Variants in TAFA1 observed in about 807,000 individuals in gnomAD.
TAFA1 encodes TAFA chemokine like family member 1.
A neutral mutation model predicts 18.5 loss-of-function variants in TAFA1; 4 were observed. The observed-to-expected ratio is 0.22, with a 90% CI of 0.11 to 0.49. The LOEUF is 0.49. Among genes scored for constraint, TAFA1 ranks in the 20% least tolerant of loss-of-function variants. The pLI, the probability that TAFA1 is intolerant of heterozygous loss-of-function variation, is 0.98. For synonymous variants in TAFA1, 56 were observed against 55.2 expected (o/e 1.01, Z -0.06); for missense variants, 147 against 169.0 (o/e 0.87, Z 0.72).
intron 3 of TAFA1, among the ~76,000 whole-genome samples, chr3:68,517,718 C>G (rs1858376): frequency 0.79 from 120,294 of 152,080 alleles, 47,669 homozygotes; most frequent in East Asian, 0.9. Flanking sequence ...AGGAGACAGT[C>G]ATCTGACAGA....
chr3:68,262,810 G>T (rs2067462568), intron 2 of TAFA1, among the ~76,000 whole-genome samples: 1 of 152,156 alleles, frequency 6.6e-6, no homozygotes, highest in African/African-American at 2.4e-5. Context: ...TAATGGGGTT[G>T]TTGGGTCAAA....
chr3:68,093,364 G>A (rs1046226180), intron 2 of TAFA1, among the ~76,000 whole-genome samples: 1 of 152,096 alleles, frequency 6.6e-6, no homozygotes, highest in African/African-American at 2.4e-5. Context: ...TCTGAGCCAT[G>A]ATGATGTTAA....
intron 2 of TAFA1, among the ~76,000 whole-genome samples, chr3:68,380,697 A>C (rs1285056004): frequency 1.3e-5 from 2 of 151,952 alleles, no homozygotes; most frequent in African/African-American, 2.4e-5. Context: ...AGGCTGCAAA[A>C]ATTTTCTCCC....
intron 2 of TAFA1, among the ~76,000 whole-genome samples, chr3:68,119,049 T>G (rs969216158): frequency 4.0e-5 from 6 of 151,772 alleles, no homozygotes; most frequent in Non-Finnish European, 7.4e-5. Flanking sequence ...TTCTTTTTTT[T>G]GGGTTTTTTT....
intron 2 of TAFA1, among the ~76,000 whole-genome samples, chr3:68,397,346 G>A (rs1263983756): frequency 1.3e-5 from 2 of 152,050 alleles, no homozygotes; most frequent in African/African-American, 2.4e-5. Context: ...GGTGTGTGAT[G>A]TTCCCCTTTC....
At chr3:68,470,937 G>C (rs1300229343) in intron 3 of TAFA1, among the ~76,000 whole-genome samples, 1 of 152,154 alleles carries the variant, frequency 6.6e-6, no homozygotes, top group Non-Finnish European at 1.5e-5. Flanking sequence ...TACCACCACA[G>C]ACCTGGAAGC....
chr3:68,189,240 T>G (rs965294210), intron 2 of TAFA1, among the ~76,000 whole-genome samples: 1 of 151,900 alleles, frequency 6.6e-6, no homozygotes. Context: ...ACCAGCACTT[T>G]CCATTTCATC....
chr3:68,517,001 T>C (rs1026899494), intron 3 of TAFA1, among the ~76,000 whole-genome samples: 2 of 152,180 alleles, frequency 1.3e-5, no homozygotes, highest in African/African-American at 4.8e-5. Context: ...CTCAAACTCC[T>C]GACCTCAAGT....
rs891010014 is a variant in TAFA1 at position 68,095,744 on chromosome 3, T to C, written c.118+89000T>C. On this transcript the variant is annotated intron_variant, in intron 2 of 4. Coordinates refer to ENST00000478136, the MANE Select transcript of TAFA1 (RefSeq NM_213609.4). Reference sequence around the variant, plus strand: ...TTGAGCACTTACTTACTGTGTCATCTCAGACACTGTGTTAAGCACTTTCCA... The same window carrying C: ...TTGAGCACTTACTTACTGTGTCATCCCAGACACTGTGTTAAGCACTTTCCA... Among the ~76,000 whole-genome samples, 3 of 152,204 alleles carry C rather than the reference T, an allele frequency of 2.0e-5. No homozygotes were observed. The East Asian group carries it at 5.8e-4, about 29-fold the overall frequency.
intron 2 of TAFA1, among the ~76,000 whole-genome samples, chr3:68,130,881 G>C (rs2065527908): frequency 6.6e-6 from 1 of 152,108 alleles, no homozygotes; most frequent in South Asian, 2.1e-4. Flanking sequence ...TCCCTGGCTA[G>C]AGTCTTCTTA....
At chr3:68,523,670 A>G (rs1465439450) in intron 3 of TAFA1, among the ~76,000 whole-genome samples, 1 of 152,226 alleles carries the variant, frequency 6.6e-6, no homozygotes, top group African/African-American at 2.4e-5. Flanking sequence ...ATTCAGTATA[A>G]TAGATCATTT....
At chr3:68,205,269 C>T (rs1333176930) in intron 2 of TAFA1, among the ~76,000 whole-genome samples, 2 of 151,902 alleles carry the variant, frequency 1.3e-5, no homozygotes, top group Non-Finnish European at 2.9e-5. Flanking sequence ...GAAATCATTA[C>T]AAGCACTGAG....
At position 68,349,286 on chromosome 3, in the gene TAFA1, A is replaced by G. The variant is rs538019170; in HGVS notation, c.119-67994A>G. Among the ~76,000 whole-genome samples, 11 of 152,018 alleles carry G rather than the reference A, an allele frequency of 7.2e-5. No homozygotes were observed. In the South Asian group the frequency reaches 2.1e-3, roughly 29 times the overall value. On this transcript the variant is annotated intron_variant, in intron 2 of 4. Coordinates refer to ENST00000478136, the MANE Select transcript of TAFA1 (RefSeq NM_213609.4). ...TGCACCTACTTTTTTCTTCGTTTTCACAAGCAAAATGCTTTCTAATTGCTA... is the reference window on the plus strand; with the variant it reads ...TGCACCTACTTTTTTCTTCGTTTTCGCAAGCAAAATGCTTTCTAATTGCTA...
At chr3:68,370,389 TAC>T (rs1575811288) in intron 2 of TAFA1, among the ~76,000 whole-genome samples, 2 of 65,018 alleles carry the variant, frequency 3.1e-5, no homozygotes, top group Admixed American at 2.2e-4. Context: ...CACATATATA[TAC>T]ACACATATAT....
At chr3:68,121,022 A>G (rs2065391899) in intron 2 of TAFA1, among the ~76,000 whole-genome samples, 1 of 152,178 alleles carries the variant, frequency 6.6e-6, no homozygotes, top group South Asian at 2.1e-4. Context: ...TTTGGAATCA[A>G]TAGTCTCTTC....
At chr3:68,375,396 A>G (rs1438868606) in intron 2 of TAFA1, among the ~76,000 whole-genome samples, 1 of 152,234 alleles carries the variant, frequency 6.6e-6, no homozygotes, top group Non-Finnish European at 1.5e-5. Context: ...CCAATAAAGC[A>G]TATTCGGAGT....
intron 2 of TAFA1, among the ~76,000 whole-genome samples, chr3:68,331,613 A>C (rs2068872262): frequency 6.6e-6 from 1 of 152,196 alleles, no homozygotes; most frequent in African/African-American, 2.4e-5. Flanking sequence ...GTTATTACAA[A>C]ATTTGTGTGA....
At chr3:68,277,770 G>C (rs1456424447) in intron 2 of TAFA1, among the ~76,000 whole-genome samples, 1 of 152,132 alleles carries the variant, frequency 6.6e-6, no homozygotes, top group African/African-American at 2.4e-5. Flanking sequence ...TAAGTGTAGA[G>C]AGATACGCAC....
intron 2 of TAFA1, among the ~76,000 whole-genome samples, chr3:68,041,821 A>G (rs549392141): frequency 1.3e-5 from 2 of 152,346 alleles, no homozygotes; most frequent in East Asian, 3.9e-4. Flanking sequence ...TGGTGAAGGA[A>G]GGGCATAGAG....
Sources: gnomAD v4.1 joint callset for allele counts (sites outside exome capture counted in the v4.1 genomes callset) on GRCh38, gnomAD v4.1.1 for gene constraint, MANE v1.5 for transcripts, NCBI Gene and HGNC (gene_info 2026-07-23, HGNC 2026-07-21) for gene names.